Variants in DMD observed in about 807,000 individuals in gnomAD.
DMD encodes the protein mutant dystrophin.
DMD carries 63 observed loss-of-function variants against 330.1 expected under a neutral mutation model. The ratio of observed to expected loss-of-function variants is 0.19; its 90% CI spans 0.16 to 0.24. The LOEUF (loss-of-function observed/expected upper bound fraction) is 0.24, where lower values mean the gene tolerates loss of function less well. Among genes scored for constraint, DMD ranks in the 10% least tolerant of loss-of-function variants. The probability of loss-of-function intolerance (pLI) is 1.00; values close to 1 mark genes in which losing one functional copy is unlikely to be tolerated. For missense variants in DMD, 3,344 were observed against 2,684.1 expected (o/e 1.25, Z -5.43); for synonymous variants, 1,223 against 959.8 (o/e 1.27, Z -5.07).
intron 9 of DMD, among the ~76,000 whole-genome samples, chrX:32,647,847 G>A (rs746750299): frequency 4.8e-4 from 54 of 111,959 alleles, no homozygotes; most frequent in Admixed American, 1.7e-3. Context: ...TCACTGTTCA[G>A]GTTTCAGGAG....
At position 31,957,515 on chromosome X, in the gene DMD, C is replaced by T. The variant is rs761183672; in HGVS notation, c.6614+10824G>A. Among the ~76,000 whole-genome samples the T allele has an allele frequency of 8.9e-5, 10 of 111,733 alleles. No individual in the cohort carries two copies. The South Asian group carries it at 3.8e-3, about 42-fold the overall frequency. Reference sequence around the variant, plus strand: ...GATTCCTCTGAAATGAGAGATAAGGCTTTCTGCTGAATATAAGGATTGTTA... The same window carrying T: ...GATTCCTCTGAAATGAGAGATAAGGTTTTCTGCTGAATATAAGGATTGTTA... On this transcript the variant is annotated intron_variant, in intron 45 of 78. Transcript: ENST00000357033.
At chrX:31,191,035 C>T (rs1423731901) in intron 67 of DMD, among the ~76,000 whole-genome samples, 1 of 112,026 alleles carries the variant, frequency 8.9e-6, no homozygotes, top group African/African-American at 3.2e-5. Context: ...AGGAAACACG[C>T]TAAAATTGTA....
intron 72 of DMD, among the ~76,000 whole-genome samples, chrX:31,173,286 T>TA (rs762683670): frequency 9.0e-6 from 1 of 111,139 alleles, no homozygotes; most frequent in East Asian, 2.8e-4. Flanking sequence ...GTGCTCAGTA[T>TA]AAAAAAACAT....
intron 17 of DMD, among the ~76,000 whole-genome samples, chrX:32,528,911 T>C (rs1232473114): frequency 9.7e-4 from 98 of 101,321 alleles, no homozygotes; most frequent in African/African-American, 3.5e-3. Context: ...ATTTCTTTTT[T>C]TTTTTTTTTT....
chrX:32,532,885 A>T lies in DMD; in HGVS notation c.2168+12274T>A, dbSNP rs752233932. On this transcript the variant is annotated intron_variant, in intron 17 of 78. Transcript: ENST00000357033. ...ACAGCAAAATAGTCTCATTTTACCC[A>T]TTAGTGCCGGAATCCCCAAAGTATG... is the stretch of plus-strand genomic sequence containing the variant. Among the ~76,000 whole-genome samples the T allele has an allele frequency of 4.5e-5, 5 of 112,110 alleles. No individual in the cohort carries two copies. The South Asian group carries it at 1.9e-3, about 42-fold the overall frequency.
intron 9 of DMD, among the ~76,000 whole-genome samples, chrX:32,677,877 AT>A (rs923161828): frequency 2.7e-5 from 3 of 112,087 alleles, no homozygotes; most frequent in African/African-American, 9.7e-5. Flanking sequence ...AGCTGAATGG[AT>A]AAAGAAGATG....
chrX:32,838,559 C>T (rs970508860), intron 4 of DMD, among the ~76,000 whole-genome samples: 3 of 111,655 alleles, frequency 2.7e-5, no homozygotes, highest in Non-Finnish European at 3.8e-5. Context: ...ATCCATGTCC[C>T]TGCAAAGGAC....
At chrX:31,504,480 T>A (rs2070734426) in intron 56 of DMD, among the ~76,000 whole-genome samples, 2 of 112,162 alleles carry the variant, frequency 1.8e-5, no homozygotes, top group Admixed American at 9.5e-5. Context: ...TATAATATGT[T>A]ATAACTTGGG....
At chrX:33,006,048 A>G (rs1272245942) in intron 2 of DMD, among the ~76,000 whole-genome samples, 2 of 111,764 alleles carry the variant, frequency 1.8e-5, no homozygotes, top group East Asian at 5.7e-4. Flanking sequence ...TAAAAAATAT[A>G]CAAGATCTTT....
At chrX:33,183,828 G>T (rs186123610) in intron 1 of DMD, among the ~76,000 whole-genome samples, 1 of 111,058 alleles carries the variant, frequency 9.0e-6, no homozygotes, top group Non-Finnish European at 1.9e-5. Flanking sequence ...AGAACACTCT[G>T]CAGCTGCTTC....
intron 30 of DMD, among the ~76,000 whole-genome samples, chrX:32,400,737 T>C (rs1285272318): frequency 1.8e-5 from 2 of 108,841 alleles, no homozygotes; most frequent in African/African-American, 6.7e-5. Flanking sequence ...TTGGTGGGAC[T>C]GTAAACTGGT....
chrX:31,378,618 G>A (rs1273390759), intron 60 of DMD, among the ~76,000 whole-genome samples: 2 of 109,172 alleles, frequency 1.8e-5, no homozygotes, highest in Non-Finnish European at 3.8e-5. Context: ...CACCTTTAGC[G>A]GCAAGTACCG....
chrX:31,874,431 C>G (rs772201727), intron 48 of DMD, among the ~76,000 whole-genome samples: 11 of 110,961 alleles, frequency 9.9e-5, no homozygotes, highest in Non-Finnish European at 1.9e-4. Flanking sequence ...ATCTCATAAA[C>G]AACTTCAATT....
intron 55 of DMD, among the ~76,000 whole-genome samples, chrX:31,578,888 C>A (rs1332567690): frequency 8.9e-6 from 1 of 112,226 alleles, no homozygotes; most frequent in Non-Finnish European, 1.9e-5. Context: ...GAATGATTAA[C>A]AGGACAAAAT....
chrX:32,828,776 T>G (rs2078947208), intron 4 of DMD, among the ~76,000 whole-genome samples: 1 of 111,146 alleles, frequency 9.0e-6, no homozygotes, highest in African/African-American at 3.3e-5. Context: ...TAGGCTCTTC[T>G]CTCACCAGGA....
intron 2 of DMD, among the ~76,000 whole-genome samples, chrX:33,008,373 T>C: frequency 9.0e-6 from 1 of 110,964 alleles, no homozygotes; most frequent in East Asian, 2.9e-4. Context: ...GCTACCATGA[T>C]CATAATTTGA....
intron 44 of DMD, among the ~76,000 whole-genome samples, chrX:32,159,814 C>T (rs1378906945): frequency 8.9e-6 from 1 of 111,896 alleles, no homozygotes; most frequent in Non-Finnish European, 1.9e-5. Flanking sequence ...TATGTCTTTG[C>T]TACCCAAAGT....
chrX:32,667,328 T>C (rs1166430296), intron 9 of DMD, among the ~76,000 whole-genome samples: 2 of 111,748 alleles, frequency 1.8e-5, no homozygotes, highest in Non-Finnish European at 3.8e-5. Flanking sequence ...CTCACACTTT[T>C]GTGTGATTAT....
At chrX:31,362,685 C>A (rs1239312437) in intron 60 of DMD, among the ~76,000 whole-genome samples, 1 of 113,190 alleles carries the variant, frequency 8.8e-6, no homozygotes, top group Non-Finnish European at 1.9e-5. Flanking sequence ...TGGCTCAGGC[C>A]TGTAATCCCA....
Sources: allele counts gnomAD v4.1 joint callset (sites outside exome capture counted in the v4.1 genomes callset), GRCh38; gene constraint gnomAD v4.1.1; transcripts MANE v1.5; gene names NCBI Gene and HGNC (gene_info 2026-07-23, HGNC 2026-07-21).